VAV3: variants seen among roughly 807,000 people sequenced by gnomAD.
VAV3 encodes the protein vav guanine nucleotide exchange factor 3.
A neutral mutation model predicts 131.2 loss-of-function variants in VAV3; 94 were observed. The ratio of observed to expected loss-of-function variants is 0.72; its 90% confidence interval spans 0.61 to 0.85. VAV3 has a LOEUF of 0.85. Ranked by LOEUF, VAV3 falls within the 40% of genes least tolerant of loss-of-function variation. The probability of loss-of-function intolerance (pLI) is 0.00; values close to 1 mark genes in which losing one functional copy is unlikely to be tolerated. For synonymous variants in VAV3, 349 were observed against 342.0 expected (o/e 1.02, Z -0.22); for missense variants, 939 against 1,002.7 (o/e 0.94, Z 0.86).
intron 1 of VAV3, among the ~76,000 whole-genome samples, chr1:107,898,847 T>C (rs935832264): frequency 7.2e-5 from 11 of 152,186 alleles, no homozygotes; most frequent in Admixed American, 4.6e-4. Flanking sequence ...GTAGTTCCAT[T>C]TAAAAACAAA....
intron 19 of VAV3, among the ~76,000 whole-genome samples, chr1:107,662,939 C>T (rs1167594500): frequency 3.3e-5 from 5 of 152,220 alleles, no homozygotes; most frequent in Non-Finnish European, 7.3e-5. Flanking sequence ...TGCACATCGA[C>T]TTCTCGGGCT....
At chr1:107,780,239 C>T (rs769355156) in intron 2 of VAV3, among the ~76,000 whole-genome samples, 4 of 152,268 alleles carry the variant, frequency 2.6e-5, no homozygotes, top group South Asian at 4.1e-4. Context: ...TAAGCTAGCA[C>T]GTAAACTATT....
intron 19 of VAV3, among the ~76,000 whole-genome samples, chr1:107,655,377 C>T (rs1656468626): frequency 6.6e-6 from 1 of 152,004 alleles, no homozygotes; most frequent in African/African-American, 2.4e-5. Flanking sequence ...GAGGAAAGGG[C>T]AATCTCTTCA....
At chr1:107,806,564 G>A (rs1334700699) in intron 2 of VAV3, among the ~76,000 whole-genome samples, 1 of 152,042 alleles carries the variant, frequency 6.6e-6, no homozygotes, top group Non-Finnish European at 1.5e-5. Context: ...ACATACGTTG[G>A]AATATTTGGT....
chr1:107,843,525 G>A (rs528602983), intron 2 of VAV3, among the ~76,000 whole-genome samples: 14 of 131,298 alleles, frequency 1.1e-4, no homozygotes, highest in South Asian at 2.2e-4. Flanking sequence ...GTATGTGTGC[G>A]TGTGTGTGTG....
At chr1:107,964,594 C>G in intron 1 of VAV3, 72 bp downstream of exon 1, 1 of 1,521,254 alleles carries the variant, frequency 6.6e-7, no homozygotes, top group South Asian at 1.2e-5. Flanking sequence ...TTTGCATTTA[C>G]ACAAAGAAAT....
At chr1:107,749,847 G>A (rs1663598688) in intron 13 of VAV3, among the ~76,000 whole-genome samples, 1 of 152,128 alleles carries the variant, frequency 6.6e-6, no homozygotes, top group Non-Finnish European at 1.5e-5. Context: ...AGAGTAAAAT[G>A]CACACTGCAG....
intron 1 of VAV3, among the ~76,000 whole-genome samples, chr1:107,914,332 T>C (rs1672513384): frequency 6.6e-6 from 1 of 152,196 alleles, no homozygotes; most frequent in African/African-American, 2.4e-5. Context: ...TAAACATTAC[T>C]GGGCCCTGCC....
At position 107,853,980 on chromosome 1, in the gene VAV3, T is replaced by G. The variant is rs139173316; in HGVS notation, c.321+20921A>C. Among the ~76,000 whole-genome samples the G allele has an allele frequency of 7.9e-3, 1,200 of 152,230 alleles. 14 individuals carry two copies. Among genetic ancestry groups the G allele is most frequent in the African/African-American group, 0.017 (696 of 41,540 alleles). On this transcript the variant is annotated intron_variant, in intron 2 of 26. Coordinates refer to ENST00000370056, the MANE Select transcript of VAV3 (RefSeq NM_006113.5). ...GTAACTGTATTTTTTTTTTCTAAGTTGGGATATTGCTAAGAGTGAAAGGTC... is the reference window on the plus strand; with the variant it reads ...GTAACTGTATTTTTTTTTTCTAAGTGGGGATATTGCTAAGAGTGAAAGGTC...
At chr1:107,822,775 GAACT>G (rs1667855780) in intron 2 of VAV3, among the ~76,000 whole-genome samples, 1 of 152,272 alleles carries the variant, frequency 6.6e-6, no homozygotes, top group South Asian at 2.1e-4. Context: ...ATGTTGGCAT[GAACT>G]AAAATAGTAG....
chr1:107,926,110 T>C (rs543637608), intron 1 of VAV3, among the ~76,000 whole-genome samples: 176 of 151,814 alleles, frequency 1.2e-3, no homozygotes, highest in Non-Finnish European at 1.9e-3. Context: ...TGAAGCCCCA[T>C]CTCTACTAAA....
At chr1:107,727,775 C>T (rs1661941368) in intron 15 of VAV3, among the ~76,000 whole-genome samples, 1 of 152,112 alleles carries the variant, frequency 6.6e-6, no homozygotes, top group Admixed American at 6.6e-5. Context: ...AATACTAAAA[C>T]ACTCAATCCC....
chr1:107,902,193 A>T (rs960666286), intron 1 of VAV3, among the ~76,000 whole-genome samples: 6 of 152,236 alleles, frequency 3.9e-5, no homozygotes, highest in African/African-American at 1.4e-4. Context: ...TAACTTTCCA[A>T]GCTAAAGGAC....
chr1:107,592,743 A>T (rs1202623102), intron 25 of VAV3, among the ~76,000 whole-genome samples: 1 of 152,168 alleles, frequency 6.6e-6, no homozygotes, highest in Non-Finnish European at 1.5e-5. Flanking sequence ...TAAGGTCCAG[A>T]CAGGCTAAGT....
intron 19 of VAV3, among the ~76,000 whole-genome samples, chr1:107,664,889 T>G (rs1657304025): frequency 6.6e-6 from 1 of 152,244 alleles, no homozygotes; most frequent in South Asian, 2.1e-4. Context: ...TCAAGTCATT[T>G]TGTTCAGAAA....
intron 1 of VAV3, among the ~76,000 whole-genome samples, chr1:107,888,639 A>G (rs1671154180): frequency 6.6e-6 from 1 of 152,008 alleles, no homozygotes; most frequent in African/African-American, 2.4e-5. Flanking sequence ...TTGTATTTTT[A>G]GTAGAGACAG....
At chr1:107,830,687 T>C (rs1002994821) in intron 2 of VAV3, among the ~76,000 whole-genome samples, 7 of 152,202 alleles carry the variant, frequency 4.6e-5, no homozygotes, top group Non-Finnish European at 1.0e-4. Flanking sequence ...CTCTAATAAA[T>C]CTGCCTTTCT....
At chr1:107,767,454 T>C (rs1022833489) in intron 7 of VAV3, among the ~76,000 whole-genome samples, 1 of 152,220 alleles carries the variant, frequency 6.6e-6, no homozygotes, top group African/African-American at 2.4e-5. Context: ...CATACTTAAG[T>C]GGTTCAAGAT....
chr1:107,710,043 AACAT>A (rs1394088601), intron 15 of VAV3, among the ~76,000 whole-genome samples: 4 of 152,220 alleles, frequency 2.6e-5, no homozygotes, highest in Non-Finnish European at 5.9e-5. Flanking sequence ...TGATTTTTAA[AACAT>A]ACATGCTTAA....
Sources: gnomAD v4.1 joint callset for allele counts (sites outside exome capture counted in the v4.1 genomes callset) on GRCh38, gnomAD v4.1.1 for gene constraint, MANE v1.5 for transcripts, NCBI Gene and HGNC (gene_info 2026-07-23, HGNC 2026-07-21) for gene names.